PUS7: variants seen among roughly 807,000 people sequenced by gnomAD.
PUS7 encodes pseudouridine synthase 7.
In PUS7, 48 loss-of-function variants were observed where a neutral mutation model predicts 79.8. The observed-to-expected ratio is 0.60, with a 90% confidence interval of 0.48 to 0.76. PUS7 has a LOEUF of 0.76. Ranked by LOEUF, PUS7 falls within the 30% of genes least tolerant of loss-of-function variation. PUS7 has a pLI of 0.00. For missense variants in PUS7, 729 were observed against 797.6 expected (o/e 0.91, Z 1.04); for synonymous variants, 286 against 272.2 (o/e 1.05, Z -0.50).
At position 105,458,419 on chromosome 7, in the gene PUS7, C is replaced by A. The variant is rs184768185; in HGVS notation, c.1850-493G>T. ...GGGATTACAGGTGCCCACCACCACGCCCGCCTAATTTTTTTTTTTGTATTT... is the reference window on the plus strand; with the variant it reads ...GGGATTACAGGTGCCCACCACCACGACCGCCTAATTTTTTTTTTTGTATTT... On this transcript the variant is annotated intron_variant, in intron 15 of 15. Coordinates refer to ENST00000469408, the MANE Select transcript of PUS7 (RefSeq NM_019042.5). Among the ~76,000 whole-genome samples the A allele has an allele frequency of 2.0e-4, 30 of 151,378 alleles. No homozygotes were observed. The East Asian group carries it at 4.3e-3, about 22-fold the overall frequency.
At chr7:105,468,980 T>C (rs1001220209) in intron 11 of PUS7, among the ~76,000 whole-genome samples, 3 of 151,394 alleles carry the variant, frequency 2.0e-5, no homozygotes, top group African/African-American at 7.3e-5. Flanking sequence ...TGGCTCACTG[T>C]AGCCTCAAAT....
intron 14 of PUS7, among the ~76,000 whole-genome samples, chr7:105,460,121 G>A (rs1332015342): frequency 2.0e-5 from 3 of 152,032 alleles, no homozygotes; most frequent in Non-Finnish European, 4.4e-5. Flanking sequence ...TGTATTTTTA[G>A]TAGAGATGGC....
chr7:105,480,630 GCCA>G (rs1824283280), intron 9 of PUS7, among the ~76,000 whole-genome samples: 1 of 152,034 alleles, frequency 6.6e-6, no homozygotes, highest in Non-Finnish European at 1.5e-5. Flanking sequence ...TGCAAAATTA[GCCA>G]GTCATGGTGG....
intron 4 of PUS7, among the ~76,000 whole-genome samples, chr7:105,505,644 C>T (rs1206849119): frequency 3.3e-5 from 5 of 152,246 alleles, no homozygotes; most frequent in African/African-American, 1.2e-4. Flanking sequence ...GGCTAGTCTC[C>T]AATTCCTGGG....
intron 11 of PUS7, 39 bp downstream of exon 11, chr7:105,470,649 C>A (rs760622840): frequency 6.7e-7 from 1 of 1,501,678 alleles, no homozygotes. Flanking sequence ...AGCATTAAAA[C>A]GCCTTGAGCC....
Position 105,470,626 on chromosome 7 carries a change from A to T in PUS7, c.1398+62T>A, listed in dbSNP as rs1223682031. 9 of 1,461,680 alleles carry T rather than the reference A, an allele frequency of 6.2e-6. No individual in the cohort carries two copies. In the African/African-American group the frequency reaches 1.3e-4, roughly 21 times the overall value. The allele number at this position is 1,461,680 out of a possible 1,614,324, so 90.5% of individuals were successfully genotyped here. On this transcript the variant is annotated intron_variant, in intron 11 of 15. Coordinates refer to ENST00000469408, the MANE Select transcript of PUS7 (RefSeq NM_019042.5). The stretch of plus-strand genomic sequence containing the variant: ...TCAAAGTTTAGTAAAATCTTTCAAG[A>T]TGAAATTTAAAAAGCATTAAAACGC...
chr7:105,508,131 C>T lies in PUS7; in HGVS notation c.382G>A (p.Gly128Arg). Residue 128 changes from glycine (G) to arginine (R), a missense_variant, in exon 2 of 16, where the codon GGA (glycine) becomes AGA (arginine). By Grantham distance (125) the Gly-to-Arg change is moderately radical. Coordinates refer to ENST00000469408, the MANE Select transcript of PUS7 (RefSeq NM_019042.5). ...TAAATGTACCTTTCTTTTAAGATTCCCGAGAACCCTTGATGAGAACTCACA... is the reference window on the plus strand; with the variant it reads ...TAAATGTACCTTTCTTTTAAGATTCTCGAGAACCCTTGATGAGAACTCACA... ...KFVSSHQGFSGILKERYSDFV... is the reference protein window; with the variant it reads ...KFVSSHQGFSRILKERYSDFV... 1 of 1,612,188 alleles carries T rather than the reference C, an allele frequency of 6.2e-7. No individual in the cohort carries two copies. Among genetic ancestry groups the T allele is most frequent in the East Asian group, 2.2e-5 (1 of 44,844 alleles).
intron 1 of PUS7, among the ~76,000 whole-genome samples, chr7:105,521,355 T>G (rs982803659): frequency 2.6e-5 from 4 of 152,234 alleles, no homozygotes; most frequent in African/African-American, 9.6e-5. Flanking sequence ...AACGAAGGTG[T>G]GCTTCTAAAC....
chr7:105,516,852 C>T (rs1309282236), intron 1 of PUS7, among the ~76,000 whole-genome samples: 1 of 151,964 alleles, frequency 6.6e-6, no homozygotes, highest in African/African-American at 2.4e-5. Context: ...AAAGAGAAAA[C>T]AAGCCTGACT....
At chr7:105,468,612 G>A in intron 11 of PUS7, 149 bp from the exon 12 acceptor site, 1 of 620,686 alleles carries the variant, frequency 1.6e-6, no homozygotes. Context: ...CCACCTCCCG[G>A]GTTCAAGCAA....
At chr7:105,492,289 A>T (rs1452316373) in intron 6 of PUS7, among the ~76,000 whole-genome samples, 1 of 150,230 alleles carries the variant, frequency 6.7e-6, no homozygotes, top group East Asian at 2.0e-4. Context: ...TGCTCTCTTT[A>T]AAAAAAAACA....
intron 6 of PUS7, among the ~76,000 whole-genome samples, chr7:105,492,636 G>C (rs1301266130): frequency 1.3e-5 from 2 of 149,514 alleles, no homozygotes; most frequent in African/African-American, 2.5e-5. Context: ...CTCCCAAGTA[G>C]CTGGGACTAC....
intron 13 of PUS7, among the ~76,000 whole-genome samples, chr7:105,463,889 C>A (rs1265642767): frequency 6.6e-6 from 1 of 152,136 alleles, no homozygotes; most frequent in Non-Finnish European, 1.5e-5. Flanking sequence ...TTAATACTAA[C>A]TATTTTGCAC....
chr7:105,479,975 G>C (rs1017673012), intron 9 of PUS7, among the ~76,000 whole-genome samples: 1 of 151,388 alleles, frequency 6.6e-6, no homozygotes, highest in African/African-American at 2.4e-5. Context: ...TCCAGCCTGG[G>C]CAACAGCAAG....
At chr7:105,459,439 A>AT (rs551912573) in intron 14 of PUS7, among the ~76,000 whole-genome samples, 180 bp from the exon 15 acceptor site, 1,867 of 143,964 alleles carry the variant, frequency 0.013, 43 homozygotes, top group East Asian at 0.12. Flanking sequence ...TATATATATA[A>AT]TTTTTTTTTT....
In PUS7 at chr7:105,502,415, CCT is replaced by C; in HGVS notation, c.730+3_730+4del. ...GGCAGGAGGAAGCTGCTCACAGACA[CCT>C]ACTTGCCAAAGCCTTTTTCCCAGCT... On this transcript the variant is annotated splice_donor_region_variant and intron_variant, in intron 5 of 15. Transcript: ENST00000469408. 3.1e-6 allele frequency: 5 copies of C among 1,614,066 alleles called. No individual in the cohort carries two copies. Among genetic ancestry groups the C allele is most frequent in the Non-Finnish European group, 4.2e-6 (5 of 1,179,950 alleles).
intron 14 of PUS7, chr7:105,462,363 C>G: frequency 2.9e-6 from 1 of 344,322 alleles, no homozygotes; most frequent in Non-Finnish European, 5.2e-6. Flanking sequence ...ACCTGGGAGG[C>G]AGAAGTTGCA....
Position 105,507,336 on chromosome 7 carries a change from G to A in PUS7, c.398+779C>T, listed in dbSNP as rs531873569. On this transcript the variant is annotated intron_variant, in intron 2 of 15. Transcript: ENST00000469408. ...GCTGGGATCACAGGCGTTAGCCACC[G>A]TGTCTGGCCTGATCCATTTTTTAAA... is the stretch of plus-strand genomic sequence containing the variant. Among the ~76,000 whole-genome samples, 5 of 152,078 alleles carry A rather than the reference G, an allele frequency of 3.3e-5. No individual in the cohort carries two copies. In the East Asian group the frequency reaches 5.8e-4, roughly 18 times the overall value.
chr7:105,516,485 C>G (rs1825900502), intron 1 of PUS7, among the ~76,000 whole-genome samples: 1 of 151,804 alleles, frequency 6.6e-6, no homozygotes, highest in South Asian at 2.1e-4. Flanking sequence ...CTCTTGTTGC[C>G]CAGGCTGGAG....
Sources: gnomAD v4.1 joint callset for allele counts (sites outside exome capture counted in the v4.1 genomes callset) on GRCh38, gnomAD v4.1.1 for gene constraint, MANE v1.5 for transcripts, NCBI Gene and HGNC (gene_info 2026-07-23, HGNC 2026-07-21) for gene names.